The following CLIP4 variants were observed in gnomAD, a reference collection of about 807,000 sequenced individuals.
CLIP4 encodes CAP-Gly domain containing linker protein family member 4.
CLIP4 carries 47 observed loss-of-function variants against 73.1 expected under a neutral mutation model. The observed-to-expected ratio is 0.64, with a 90% CI of 0.51 to 0.82. CLIP4 has a LOEUF of 0.82. Among genes scored for constraint, CLIP4 ranks in the 40% least tolerant of loss-of-function variants. The probability of loss-of-function intolerance (pLI) is 0.00; values close to 1 mark genes in which losing one functional copy is unlikely to be tolerated. For synonymous variants in CLIP4, 306 were observed against 295.4 expected (o/e 1.04, Z -0.37); for missense variants, 874 against 852.9 (o/e 1.02, Z -0.31).
intron 1 of CLIP4, chr2:29,098,011 A>C (rs1198661253): frequency 6.6e-6 from 1 of 152,240 alleles, no homozygotes; most frequent in Non-Finnish European, 1.5e-5. Flanking sequence ...CATTTCTGCT[A>C]AGGCAGAGGT....
chr2:29,101,898 C>T (rs1158173428), intron 1 of CLIP4, among the ~76,000 whole-genome samples: 1 of 152,202 alleles, frequency 6.6e-6, no homozygotes, highest in Non-Finnish European at 1.5e-5. Context: ...AGCACTGCTT[C>T]TGGGGGAGAG....
chr2:29,115,321 G>A (rs1272376934), upstream of CLIP4: 2 of 152,102 alleles, frequency 1.3e-5, no homozygotes, highest in Non-Finnish European at 1.5e-5. The surrounding 1 kb of genome is among the most constrained non-coding windows in gnomAD (Gnocchi z 5.1). Context: ...GTCAGCCGGG[G>A]TCGCGGCCCC....
At chr2:29,158,273 T>A (rs1460033284) in intron 11 of CLIP4, among the ~76,000 whole-genome samples, 1 of 152,212 alleles carries the variant, frequency 6.6e-6, no homozygotes, top group East Asian at 1.9e-4. Context: ...CCATCCTGTT[T>A]GTCCAAATTT....
rs773054627 is a variant in CLIP4, at chr2:29,145,413, T to C, written c.1021+46T>C. 2.7e-6 allele frequency: 4 copies of C among 1,493,446 alleles called. No individual in the cohort carries two copies. The South Asian group carries it at 4.9e-5, about 18-fold the overall frequency. 92.5% of individuals were successfully genotyped at this position (1,493,446 alleles called of 1,614,324 possible). Reference sequence around the variant, plus strand: ...CTCGGTAAGAATTAATTAAAAATAATCAAGTTTTACTCTTTTACAGTTGTT... The same window carrying C: ...CTCGGTAAGAATTAATTAAAAATAACCAAGTTTTACTCTTTTACAGTTGTT... On this transcript the variant is annotated intron_variant, in intron 8 of 15. Transcript: ENST00000320081.
rs138406875 is a variant in CLIP4, at chr2:29,162,714, A to G, written c.1535-1117A>G. Among the ~76,000 whole-genome samples the G allele has an allele frequency of 2.5e-3, 380 of 152,324 alleles. 5 individuals are homozygous for G. Among genetic ancestry groups the G allele is most frequent in the Non-Finnish European group, 1.4e-3 (98 of 68,016 alleles). ...ACTAACCTGGTTTAGGACATGTGGA[A>G]ATGTGATGACCTATGTTCAGAGCGT... On this transcript the variant is annotated intron_variant, in intron 12 of 15. Transcript: ENST00000320081.
chr2:29,156,493 C>A, intron 10 of CLIP4, 50 bp downstream of exon 10: 1 of 1,304,228 alleles, frequency 7.7e-7, no homozygotes, highest in Non-Finnish European at 1.1e-6. Flanking sequence ...TTTGATGGAA[C>A]TTTAAAATAT....
At chr2:29,136,920 A>G (rs17750032) in intron 6 of CLIP4, among the ~76,000 whole-genome samples, 14,741 of 151,904 alleles carry the variant, frequency 0.097, 776 homozygotes, top group African/African-American at 0.11. Context: ...CCAGAAGCAG[A>G]TTAATAGGTT....
intron 15 of CLIP4, among the ~76,000 whole-genome samples, chr2:29,177,407 C>CAA (rs58183066): frequency 0.016 from 2,219 of 136,528 alleles, 27 homozygotes; most frequent in Non-Finnish European, 0.018. Flanking sequence ...GACTCCGTCT[C>CAA]AAAAAAAAAA....
intron 12 of CLIP4, among the ~76,000 whole-genome samples, chr2:29,163,486 T>C (rs1000437251): frequency 1.3e-5 from 2 of 152,158 alleles, no homozygotes; most frequent in East Asian, 1.9e-4. Context: ...ACTGAAACAC[T>C]ATATTACCAA....
intron 15 of CLIP4, among the ~76,000 whole-genome samples, chr2:29,175,870 T>C (rs1015201552): frequency 6.6e-6 from 1 of 152,114 alleles, no homozygotes; most frequent in African/African-American, 2.4e-5. Context: ...CACGCCATTC[T>C]TCTGTCTCAG....
intron 4 of CLIP4, among the ~76,000 whole-genome samples, chr2:29,133,126 T>G (rs186840429): frequency 2.3e-4 from 35 of 152,294 alleles, no homozygotes; most frequent in African/African-American, 8.2e-4. Flanking sequence ...AGTTGAGGGT[T>G]GGCGTGAGCT....
At chr2:29,134,356 T>C (rs1665197584) in intron 5 of CLIP4, among the ~76,000 whole-genome samples, 1 of 152,164 alleles carries the variant, frequency 6.6e-6, no homozygotes, top group African/African-American at 2.4e-5. Context: ...GGCCCAATTT[T>C]CTTTTCTTTC....
chr2:29,174,545 G>T, intron 15 of CLIP4, 100 bp downstream of exon 15: 1 of 1,497,430 alleles, frequency 6.7e-7, no homozygotes, highest in Non-Finnish European at 8.9e-7. Context: ...GCATTGCTTG[G>T]TAGAGTTTTA....
At chr2:29,102,631 CTT>C (rs1304491469) in intron 1 of CLIP4, among the ~76,000 whole-genome samples, 1 of 145,542 alleles carries the variant, frequency 6.9e-6, no homozygotes, top group African/African-American at 2.5e-5. Flanking sequence ...CTTTTCTTTT[CTT>C]TTTTTTTTTT....
chr2:29,145,304 C>G lies in CLIP4; in HGVS notation c.958C>G (p.Pro320Ala), dbSNP rs1325126314. ...GTGGGCTGGCATTGAACTGGATGAA[C>G]CAGAAGGAAAAAATAATGGAAGTGT... is the stretch of plus-strand genomic sequence containing the variant. ...GQWAGIELDE[P>A]EGKNNGSVGK... is the part of the protein sequence containing the mutation. Residue 320 changes from proline to alanine, a missense_variant, in exon 8 of 16, where the codon CCA (proline) becomes GCA (alanine). By Grantham distance (27) the Pro-to-Ala change is conservative. Transcript: ENST00000320081. The G allele has an allele frequency of 6.2e-7, 1 of 1,612,952 alleles. No individual in the cohort carries two copies. The highest frequency in any genetic ancestry group is 2.2e-5 in the East Asian group (1 of 44,834).
At chr2:29,171,521 CT>C (rs71403652) in intron 14 of CLIP4, among the ~76,000 whole-genome samples, 25,800 of 139,726 alleles carry the variant, frequency 0.18, 2,440 homozygotes, top group Non-Finnish European at 0.26. Context: ...TTAGGTTTTC[CT>C]TTTTTTTTTT....
At chr2:29,171,740 G>C (rs1398127079) in intron 14 of CLIP4, among the ~76,000 whole-genome samples, 2 of 151,942 alleles carry the variant, frequency 1.3e-5, no homozygotes, top group Non-Finnish European at 2.9e-5. Context: ...GGGTGGTCTT[G>C]ATCTCCTGAC....
intron 2 of CLIP4, among the ~76,000 whole-genome samples, chr2:29,127,505 G>A (rs1169309611): frequency 2.6e-5 from 4 of 152,042 alleles, no homozygotes; most frequent in Non-Finnish European, 4.4e-5. Context: ...AAGAGAAAAG[G>A]CATTCTTTAA....
intron 7 of CLIP4, among the ~76,000 whole-genome samples, chr2:29,144,231 A>G (rs1665990717): frequency 3.9e-5 from 6 of 152,194 alleles, no homozygotes; most frequent in Admixed American, 3.9e-4. Flanking sequence ...GGATGATCTA[A>G]GGTGGAGGAT....
Sources: allele counts gnomAD v4.1 joint callset (sites outside exome capture counted in the v4.1 genomes callset), GRCh38; gene constraint gnomAD v4.1.1; non-coding constraint Gnocchi (gnomAD v3.1); transcripts MANE v1.5; gene names NCBI Gene and HGNC (gene_info 2026-07-23, HGNC 2026-07-21).